PPM1H: variants seen among roughly 807,000 people sequenced by gnomAD.
The protein encoded by PPM1H is protein phosphatase, Mg2+/Mn2+ dependent 1H.
A neutral mutation model predicts 54.9 loss-of-function variants in PPM1H; 27 were observed. The ratio of observed to expected loss-of-function variants is 0.49; its 90% CI spans 0.36 to 0.68. The LOEUF is 0.68. PPM1H is among the 30% of genes least tolerant of loss of function. The pLI, the probability that PPM1H is intolerant of heterozygous loss-of-function variation, is 0.00. For missense variants in PPM1H, 596 were observed against 667.8 expected (o/e 0.89, Z 1.19); for synonymous variants, 305 against 270.8 (o/e 1.13, Z -1.24).
chr12:62,751,603 T>C (rs115261744), intron 4 of PPM1H, among the ~76,000 whole-genome samples: 1,716 of 152,328 alleles, frequency 0.011, 43 homozygotes, highest in African/African-American at 0.039. Context: ...TCTCCATCCC[T>C]GGAATTCTTT....
chr12:62,710,568 A>G lies in PPM1H; in HGVS notation c.1073+9603T>C, dbSNP rs192935423. On this transcript the variant is annotated intron_variant, in intron 6 of 9. Coordinates refer to ENST00000228705, the MANE Select transcript of PPM1H (RefSeq NM_020700.2). ...AAAAAAAAAAAAAGTCCCCAAACCA[A>G]AAAACATCCTATCAAATAGTGCCTG... Among the ~76,000 whole-genome samples, 391 of 151,702 alleles carry G rather than the reference A, an allele frequency of 2.6e-3. 2 individuals are homozygous for G. Among genetic ancestry groups the G allele is most frequent in the African/African-American group, 8.8e-3 (365 of 41,294 alleles).
chr12:62,692,437 T>A (rs1343669656), intron 7 of PPM1H, among the ~76,000 whole-genome samples: 4 of 152,226 alleles, frequency 2.6e-5, no homozygotes, highest in African/African-American at 9.6e-5. Context: ...ATCATTCCAT[T>A]TTCCTATTGT....
At chr12:62,891,814 T>C (rs528216714) in intron 1 of PPM1H, among the ~76,000 whole-genome samples, 1 of 152,352 alleles carries the variant, frequency 6.6e-6, no homozygotes, top group African/African-American at 2.4e-5. Context: ...GATACACATC[T>C]GTGAAAGCGA....
At chr12:62,819,275 G>T (rs371611296) in intron 2 of PPM1H, among the ~76,000 whole-genome samples, 1 of 151,500 alleles carries the variant, frequency 6.6e-6, no homozygotes, top group Admixed American at 6.6e-5. Context: ...CATTACAGGC[G>T]CCTGCCACTG....
intron 4 of PPM1H, among the ~76,000 whole-genome samples, 187 bp from the exon 5 acceptor site, chr12:62,737,773 G>A (rs2076358649): frequency 6.6e-6 from 1 of 152,134 alleles, no homozygotes; most frequent in African/African-American, 2.4e-5. Context: ...TCTTTTAAGT[G>A]CATTGCATTC....
At chr12:62,782,351 G>GTAAT (rs2076647376) in intron 4 of PPM1H, among the ~76,000 whole-genome samples, 2 of 152,326 alleles carry the variant, frequency 1.3e-5, no homozygotes, top group East Asian at 3.9e-4. Context: ...CCACAGATGT[G>GTAAT]TAATTGATTT....
At chr12:62,763,844 C>T (rs2076525126) in intron 4 of PPM1H, among the ~76,000 whole-genome samples, 1 of 152,168 alleles carries the variant, frequency 6.6e-6, no homozygotes. Flanking sequence ...GCTGAGCTTG[C>T]TACCACTCAT....
rs886656912 is a variant in PPM1H, at chr12:62,934,851, C to T, written c.-115G>A. ...GCCGGGCGCACGGCGAGTCGGGCCA[C>T]TGGGACGCGCCGCGCGCGGCTCCCA... On this transcript the variant is annotated 5_prime_UTR_variant, in exon 1 of 10. The change creates a new upstream start codon in the 5' untranslated region. Transcript: ENST00000228705. This position sits in a 1 kb window ranked among gnomAD's most constrained non-coding sequence, Gnocchi z 4.2. 7.5e-6 allele frequency: 8 copies of T among 1,072,716 alleles called. No homozygotes were observed. The highest frequency in any genetic ancestry group is 7.1e-6 in the Non-Finnish European group (6 of 843,032). 66.4% of individuals were successfully genotyped at this position (1,072,716 alleles called of 1,614,324 possible).
At chr12:62,832,403 A>T in intron 1 of PPM1H, 124 bp from the exon 2 acceptor site, 1 of 864,008 alleles carries the variant, frequency 1.2e-6, no homozygotes, top group Non-Finnish European at 1.7e-6. Context: ...CTTAATGCTA[A>T]GAACATTATG....
chr12:62,815,201 A>G (rs1381145424), intron 2 of PPM1H, among the ~76,000 whole-genome samples: 1 of 145,756 alleles, frequency 6.9e-6, no homozygotes, highest in African/African-American at 2.7e-5. Context: ...TTTTTTGACT[A>G]AATTGTTCGG....
chr12:62,813,627 C>A (rs937746759), intron 2 of PPM1H, among the ~76,000 whole-genome samples: 2 of 152,110 alleles, frequency 1.3e-5, no homozygotes, highest in South Asian at 2.1e-4. Flanking sequence ...AAAACATGAG[C>A]AAATAAGAAC....
chr12:62,896,268 G>C (rs1177776824), intron 1 of PPM1H, among the ~76,000 whole-genome samples: 2 of 152,146 alleles, frequency 1.3e-5, no homozygotes, highest in African/African-American at 4.8e-5. Flanking sequence ...GTAAACTAAA[G>C]AGCTTCTGCA....
At chr12:62,923,086 C>T (rs529233976) in intron 1 of PPM1H, among the ~76,000 whole-genome samples, 1 of 152,256 alleles carries the variant, frequency 6.6e-6, no homozygotes, top group East Asian at 1.9e-4. Flanking sequence ...TGAGGTGGCC[C>T]CTTCCATGCA....
chr12:62,793,430 A>C (rs1028685029), intron 3 of PPM1H, among the ~76,000 whole-genome samples: 1 of 152,000 alleles, frequency 6.6e-6, no homozygotes, highest in Non-Finnish European at 1.5e-5. Context: ...GGGAGCCGAG[A>C]AAGCAAACAG....
At position 62,902,083 on chromosome 12, in the gene PPM1H, C is replaced by T. The variant is rs142761089; in HGVS notation, c.245+32409G>A. ...ACACTTTAAAATAAAAGCTTTTTGG[C>T]CAGGCGCGGTGGCCCATGCCTGTAA... is the stretch of plus-strand genomic sequence containing the variant. On this transcript the variant is annotated intron_variant, in intron 1 of 9. Coordinates refer to ENST00000228705, the MANE Select transcript of PPM1H (RefSeq NM_020700.2). Among the ~76,000 whole-genome samples the T allele has an allele frequency of 6.6e-3, 1,007 of 152,218 alleles. 12 individuals are homozygous for T. Among genetic ancestry groups the T allele is most frequent in the African/African-American group, 0.022 (905 of 41,532 alleles).
chr12:62,830,499 C>A (rs896846659), intron 2 of PPM1H, among the ~76,000 whole-genome samples: 5 of 152,192 alleles, frequency 3.3e-5, no homozygotes, highest in African/African-American at 1.2e-4. Flanking sequence ...TCGTGATCTG[C>A]CCGCCTTGGC....
intron 3 of PPM1H, among the ~76,000 whole-genome samples, chr12:62,798,882 C>A (rs1217682704): frequency 2.0e-5 from 3 of 152,152 alleles, no homozygotes; most frequent in Non-Finnish European, 4.4e-5. Context: ...GCCCCCACAC[C>A]CCAGCATCAC....
intron 4 of PPM1H, among the ~76,000 whole-genome samples, chr12:62,764,665 G>A (rs1284395461): frequency 6.6e-6 from 1 of 152,078 alleles, no homozygotes; most frequent in Non-Finnish European, 1.5e-5. Context: ...CACTGTACTA[G>A]GCACTGGGCT....
chr12:62,853,714 A>G (rs1464841094), intron 1 of PPM1H, among the ~76,000 whole-genome samples: 1 of 152,200 alleles, frequency 6.6e-6, no homozygotes, highest in Admixed American at 6.5e-5. Flanking sequence ...CCTATGGGAA[A>G]AACTCATTGA....
Sources: allele counts gnomAD v4.1 joint callset (sites outside exome capture counted in the v4.1 genomes callset), GRCh38; gene constraint gnomAD v4.1.1; non-coding constraint Gnocchi (gnomAD v3.1); transcripts MANE v1.5; gene names NCBI Gene and HGNC (gene_info 2026-07-23, HGNC 2026-07-21).